The following RNF217 variants were observed in gnomAD, a reference collection of about 807,000 sequenced individuals.
The protein encoded by RNF217 is ring finger protein 217, also known as E3 ubiquitin-protein ligase RNF217.
A neutral mutation model predicts 57.8 loss-of-function variants in RNF217; 31 were observed. That is an observed-to-expected ratio of 0.54 (90% CI 0.40 to 0.72). The LOEUF is 0.72. Ranked by LOEUF, RNF217 falls within the 30% of genes least tolerant of loss-of-function variation. The pLI is 0.00. For missense variants in RNF217, 696 were observed against 708.3 expected (o/e 0.98, Z 0.20); for synonymous variants, 313 against 294.0 (o/e 1.06, Z -0.66).
In RNF217 at chr6:124,963,012, C is replaced by T. The variant is rs1396465943; in HGVS notation, c.468C>T (p.Ser156=). Residue 156 remains serine (S), a synonymous_variant, in exon 1 of 6, where the codon TCC becomes TCT. Transcript: ENST00000521654. ...VLDVLGQRRP[S]LAKRQVFCSV... is the part of the protein sequence containing the mutation. ...ACGTGCTGGGTCAGCGGCGCCCGTC[C>T]CTCGCCAAGAGACAAGTCTTCTGCT... 1.9e-6 allele frequency: 3 copies of T among 1,595,162 alleles called. No individual in the cohort carries two copies. Among genetic ancestry groups the T allele is most frequent in the African/African-American group, 1.3e-5 (1 of 74,998 alleles).
chr6:125,071,746 G>A (rs1157543688), intron 3 of RNF217, among the ~76,000 whole-genome samples: 1 of 152,064 alleles, frequency 6.6e-6, no homozygotes, highest in Non-Finnish European at 1.5e-5. Context: ...TTCCTTAAAT[G>A]TCAGTCATCC....
At chr6:124,964,406 T>G (rs1329832223) in intron 1 of RNF217, among the ~76,000 whole-genome samples, 1 of 151,790 alleles carries the variant, frequency 6.6e-6, no homozygotes, top group African/African-American at 2.4e-5. Flanking sequence ...TTCTTTCGTG[T>G]CTGCTTGTCT....
chr6:125,030,082 G>A (rs1786287580), intron 1 of RNF217, among the ~76,000 whole-genome samples: 1 of 152,128 alleles, frequency 6.6e-6, no homozygotes, highest in African/African-American at 2.4e-5. Context: ...TGAAGAAGAA[G>A]CAAAAGCAGA....
chr6:124,980,625 G>A (rs1252675146), intron 1 of RNF217, among the ~76,000 whole-genome samples: 2 of 152,100 alleles, frequency 1.3e-5, no homozygotes, highest in Non-Finnish European at 2.9e-5. Flanking sequence ...TAATGACAAA[G>A]GCCTTGGGGT....
At chr6:125,009,839 C>T (rs1319345798) in intron 1 of RNF217, among the ~76,000 whole-genome samples, 1 of 152,084 alleles carries the variant, frequency 6.6e-6, no homozygotes, top group African/African-American at 2.4e-5. Context: ...TAACCTGACC[C>T]ATGTTATATT....
At chr6:124,985,174 G>A (rs1784328428) in intron 1 of RNF217, among the ~76,000 whole-genome samples, 1 of 152,198 alleles carries the variant, frequency 6.6e-6, no homozygotes, top group Non-Finnish European at 1.5e-5. Context: ...GTGCTGGTTA[G>A]GATAGGGGAA....
chr6:125,021,427 G>A (rs899102556), intron 1 of RNF217, among the ~76,000 whole-genome samples: 1 of 151,920 alleles, frequency 6.6e-6, no homozygotes, highest in Non-Finnish European at 1.5e-5. Flanking sequence ...CACCATGCCC[G>A]ACTAATTTTT....
chr6:125,061,425 A>G (rs966755446), intron 3 of RNF217, among the ~76,000 whole-genome samples: 1 of 151,654 alleles, frequency 6.6e-6, no homozygotes, highest in Non-Finnish European at 1.5e-5. Flanking sequence ...ATATAAATTC[A>G]TGTATTTTTG....
At chr6:125,079,598 GCTAA>G (rs1360598148) in intron 4 of RNF217, among the ~76,000 whole-genome samples, 1 of 152,064 alleles carries the variant, frequency 6.6e-6, no homozygotes, top group Non-Finnish European at 1.5e-5. Context: ...TAAGACATCT[GCTAA>G]CTATTGATTA....
At chr6:124,999,039 A>G (rs1784866778) in intron 1 of RNF217, among the ~76,000 whole-genome samples, 2 of 152,178 alleles carry the variant, frequency 1.3e-5, no homozygotes, top group Non-Finnish European at 2.9e-5. Context: ...TAGAGCTTGC[A>G]GTTGATTTAT....
intron 1 of RNF217, among the ~76,000 whole-genome samples, chr6:124,969,570 A>C (rs1490281540): frequency 2.6e-5 from 4 of 152,200 alleles, no homozygotes; most frequent in Non-Finnish European, 5.9e-5. Context: ...AATAGTAAGA[A>C]AGACCATTTA....
chr6:124,976,602 T>C (rs1452359842), intron 1 of RNF217, among the ~76,000 whole-genome samples: 1 of 148,012 alleles, frequency 6.8e-6, no homozygotes, highest in African/African-American at 2.5e-5. Flanking sequence ...TTCTTCATAG[T>C]GATTCTCTTG....
intron 3 of RNF217, among the ~76,000 whole-genome samples, chr6:125,072,810 C>A (rs755054228): frequency 1.3e-5 from 2 of 151,790 alleles, no homozygotes; most frequent in Non-Finnish European, 2.9e-5. Flanking sequence ...TCTGGTGTTA[C>A]CTTTTAAGTT....
chr6:124,992,783 G>A (rs943771910), intron 1 of RNF217, among the ~76,000 whole-genome samples: 4 of 151,752 alleles, frequency 2.6e-5, no homozygotes. Context: ...AAAGTAATTG[G>A]ATTACTTTAA....
In RNF217 at chr6:125,084,810, A is replaced by G. The variant is rs948444107; in HGVS notation, c.*1873A>G. 6.6e-6 allele frequency: 1 copy of G among 151,954 alleles called. No homozygotes were observed. The highest frequency in any genetic ancestry group is 1.5e-5 in the Non-Finnish European group (1 of 67,852). The allele number at this position is 151,954 out of a possible 1,614,324, so 9.4% of individuals were successfully genotyped here. A position where few individuals can be genotyped will look rare whatever the true frequency, so the allele number is the denominator to read the frequency against. On this transcript the variant is annotated 3_prime_UTR_variant, in exon 6 of 6. Transcript: ENST00000521654. ...AGTGATGCTCTGTTTTCACAAATTTATCTTTTCATTCACCCATCCATCCAT... is the reference window on the plus strand; with the variant it reads ...AGTGATGCTCTGTTTTCACAAATTTGTCTTTTCATTCACCCATCCATCCAT...
rs1031239282 is a variant in RNF217 at position 125,086,570 on chromosome 6, A to T, written c.*3633A>T. The T allele has an allele frequency of 1.3e-5, 2 of 152,192 alleles. No homozygotes were observed. Among genetic ancestry groups the T allele is most frequent in the Admixed American group, 1.3e-4 (2 of 15,272 alleles). 9.4% of individuals were successfully genotyped at this position (152,192 alleles called of 1,614,324 possible). On this transcript the variant is annotated 3_prime_UTR_variant, in exon 6 of 6. Coordinates refer to ENST00000521654, the MANE Select transcript of RNF217 (RefSeq NM_001286398.3). Reference sequence around the variant, plus strand: ...AAATGCCCACAGCAATTCCCAGAAAAATACATTAGATTATGTACGATTTAG... The same window carrying T: ...AAATGCCCACAGCAATTCCCAGAAATATACATTAGATTATGTACGATTTAG...
chr6:125,090,504 G>A lies in RNF217; in HGVS notation c.*7567G>A, dbSNP rs1487419665. ...TAAAATATTAAAGAGAAAAAAATTC[G>A]AGTGTTTATCTGTTATTACTGTATA... On this transcript the variant is annotated 3_prime_UTR_variant, in exon 6 of 6. Transcript: ENST00000521654. 3 of 151,580 alleles carry A rather than the reference G, an allele frequency of 2.0e-5. No individual in the cohort carries two copies. The highest frequency in any genetic ancestry group is 4.2e-4 in the South Asian group (2 of 4,802). The allele number at this position is 151,580 out of a possible 1,614,324, so 9.4% of individuals were successfully genotyped here.
rs780192317 is a variant in RNF217 at position 125,042,938 on chromosome 6, A to G, written c.883-2273A>G. Among the ~76,000 whole-genome samples the G allele has an allele frequency of 2.6e-5, 4 of 152,142 alleles. No homozygotes were observed. In the South Asian group the frequency reaches 8.3e-4, roughly 31 times the overall value. On this transcript the variant is annotated intron_variant, in intron 1 of 5. Transcript: ENST00000521654. ...AGAAATGTACTGCTTCCCAATAACA[A>G]GTGCCTCTCGAGGTGGCCCAAGTAA...
At chr6:125,031,181 G>A (rs186490139) in intron 1 of RNF217, among the ~76,000 whole-genome samples, 1 of 152,218 alleles carries the variant, frequency 6.6e-6, no homozygotes, top group South Asian at 2.1e-4. Context: ...TGGGGACTGT[G>A]GGCCCAGCCC....
Sources: allele counts gnomAD v4.1 joint callset (sites outside exome capture counted in the v4.1 genomes callset), GRCh38; gene constraint gnomAD v4.1.1; transcripts MANE v1.5; gene names NCBI Gene and HGNC (gene_info 2026-07-23, HGNC 2026-07-21).